The following YEATS2 variants were observed in gnomAD, a reference collection of about 807,000 sequenced individuals.
YEATS2 encodes YEATS domain containing 2, also known as YEATS domain-containing protein 2.
Under a neutral mutation model 163.2 loss-of-function variants are expected in YEATS2, and 77 were observed. The observed-to-expected ratio is 0.47, with a 90% CI of 0.39 to 0.57. The LOEUF is 0.57. Among genes scored for constraint, YEATS2 ranks in the 20% least tolerant of loss-of-function variants. The pLI is 0.00. For synonymous variants in YEATS2, 631 were observed against 645.1 expected (o/e 0.98, Z 0.33); for missense variants, 1,549 against 1,729.8 (o/e 0.90, Z 1.85).
chr3:183,763,803 A>G (rs984628552), intron 15 of YEATS2, among the ~76,000 whole-genome samples: 2 of 151,880 alleles, frequency 1.3e-5, no homozygotes, highest in African/African-American at 4.8e-5. Flanking sequence ...GGTGGCTCAC[A>G]CCTGTGAGCC....
At chr3:183,785,943 G>T (rs566559882) in intron 19 of YEATS2, among the ~76,000 whole-genome samples, 182 bp from the exon 20 acceptor site, 1 of 152,194 alleles carries the variant, frequency 6.6e-6, no homozygotes, top group Non-Finnish European at 1.5e-5. Context: ...ATATTTATAG[G>T]TGAAAGGTCA....
intron 26 of YEATS2, chr3:183,803,784 C>G: frequency 1.7e-6 from 1 of 598,072 alleles, no homozygotes; most frequent in Non-Finnish European, 2.9e-6. Context: ...AAAGGCCAAA[C>G]CTAGGAGTTG....
At chr3:183,753,713 A>T (rs1720421475) in intron 10 of YEATS2, among the ~76,000 whole-genome samples, 1 of 152,232 alleles carries the variant, frequency 6.6e-6, no homozygotes, top group African/African-American at 2.4e-5. Context: ...ACACCACTGC[A>T]CTCTAGCCTG....
chr3:183,752,299 T>G, intron 10 of YEATS2, 46 bp downstream of exon 10: 1 of 1,608,326 alleles, frequency 6.2e-7, no homozygotes, highest in Non-Finnish European at 8.5e-7. Context: ...GAGGCATTCC[T>G]TTCCCATTTG....
intron 21 of YEATS2, chr3:183,793,041 C>T: frequency 1.0e-6 from 1 of 973,510 alleles, no homozygotes; most frequent in South Asian, 1.4e-5. Flanking sequence ...ACAGATACTT[C>T]TGTAAAATAT....
rs63002261 is a variant in YEATS2, at chr3:183,731,297, C to CA, written c.812+2465dup. 1.9e-3 allele frequency among the ~76,000 whole-genome samples: 234 copies of CA among 122,798 alleles called. 2 individuals carry two copies. The highest frequency in any genetic ancestry group is 6.1e-3 in the South Asian group (24 of 3,928). 80.6% of individuals were successfully genotyped at this position (122,798 alleles called of 152,430 possible). A position where few individuals can be genotyped will look rare whatever the true frequency, so the allele number is the denominator to read the frequency against. On this transcript the variant is annotated intron_variant, in intron 7 of 30. Transcript: ENST00000305135. ...CTGGAGGCAGAGTGAGAGTCTGTCT[C>CA]AAAAAAAAAAAAAAAAAAAGCGGAA... is the stretch of plus-strand genomic sequence containing the variant.
At chr3:183,751,961 T>C in intron 9 of YEATS2, 112 bp from the exon 10 acceptor site, 3 of 1,193,130 alleles carry the variant, frequency 2.5e-6, no homozygotes, top group Non-Finnish European at 3.6e-6. Context: ...GCCTTTGAAG[T>C]GTGATTAGAA....
chr3:183,795,202 T>G (rs189714), intron 21 of YEATS2, among the ~76,000 whole-genome samples: 1 of 149,442 alleles, frequency 6.7e-6, no homozygotes, highest in South Asian at 2.1e-4. Context: ...AAAAAAAGAA[T>G]AAACCATCTA....
At chr3:183,699,095 A>C (rs762261446) in intron 1 of YEATS2, among the ~76,000 whole-genome samples, 2 of 152,164 alleles carry the variant, frequency 1.3e-5, no homozygotes, top group Non-Finnish European at 2.9e-5. Flanking sequence ...TGCTCTTTGC[A>C]GTAGCTTGGA....
chr3:183,798,555 T>C (rs1263858367), intron 22 of YEATS2, among the ~76,000 whole-genome samples: 3 of 152,134 alleles, frequency 2.0e-5, no homozygotes, highest in Admixed American at 6.5e-5. Flanking sequence ...GGTTTCACCA[T>C]GTTGCCCAGG....
intron 7 of YEATS2, among the ~76,000 whole-genome samples, chr3:183,734,070 C>T (rs1718088329): frequency 6.6e-6 from 1 of 152,184 alleles, no homozygotes. Flanking sequence ...GTAGAACTCT[C>T]TAGAGCAGCA....
intron 17 of YEATS2, 138 bp downstream of exon 17, chr3:183,773,932 T>G: frequency 9.7e-7 from 1 of 1,027,146 alleles, no homozygotes; most frequent in Non-Finnish European, 1.3e-6. Context: ...TAGCATTTGC[T>G]CAGATGGATT....
intron 13 of YEATS2, among the ~76,000 whole-genome samples, chr3:183,759,849 G>A (rs1721162025): frequency 1.3e-5 from 2 of 152,188 alleles, no homozygotes; most frequent in African/African-American, 2.4e-5. Flanking sequence ...TTATCCAGAC[G>A]TAACCCCATC....
intron 14 of YEATS2, 112 bp downstream of exon 14, chr3:183,761,726 C>T (rs1047262933): frequency 2.1e-6 from 2 of 954,396 alleles, no homozygotes; most frequent in Non-Finnish European, 3.3e-6. Context: ...CTCAACTCCT[C>T]ATTCTGAGAC....
chr3:183,809,290 A>G, intron 30 of YEATS2, 120 bp downstream of exon 30: 1 of 997,808 alleles, frequency 1.0e-6, no homozygotes, highest in East Asian at 2.4e-5. Flanking sequence ...AGTGCTTAGG[A>G]CACTCTTAGA....
chr3:183,755,022 G>A (rs1461498909), intron 11 of YEATS2, among the ~76,000 whole-genome samples: 3 of 152,136 alleles, frequency 2.0e-5, no homozygotes, highest in African/African-American at 7.2e-5. Context: ...TTAAATGAAG[G>A]GGGGAAAAAA....
At chr3:183,789,313 A>G (rs1339180675) in intron 20 of YEATS2, among the ~76,000 whole-genome samples, 4 of 152,016 alleles carry the variant, frequency 2.6e-5, no homozygotes, top group Non-Finnish European at 5.9e-5. Flanking sequence ...CTAGGGGTCT[A>G]GTTTCATTCT....
intron 15 of YEATS2, among the ~76,000 whole-genome samples, chr3:183,763,073 TAAAAA>T: frequency 6.7e-6 from 1 of 148,936 alleles, no homozygotes; most frequent in South Asian, 2.1e-4. Flanking sequence ...ATTAAAAAAT[TAAAAA>T]AAAAAATAGC....
chr3:183,806,337 T>A (rs1337377391), intron 27 of YEATS2: 1 of 456,372 alleles, frequency 2.2e-6, no homozygotes, highest in Non-Finnish European at 4.4e-6. Flanking sequence ...CCTCACACAC[T>A]CATCCAGAAA....
Sources: gnomAD v4.1 joint callset for allele counts (sites outside exome capture counted in the v4.1 genomes callset) on GRCh38, gnomAD v4.1.1 for gene constraint, MANE v1.5 for transcripts, NCBI Gene and HGNC (gene_info 2026-07-23, HGNC 2026-07-21) for gene names.